The following NKAIN3 variants were observed in gnomAD, a reference collection of about 807,000 sequenced individuals.
NKAIN3 encodes sodium/potassium transporting ATPase interacting 3.
NKAIN3 carries 25 observed loss-of-function variants against 30.2 expected under a neutral mutation model. The ratio of observed to expected loss-of-function variants is 0.83; its 90% CI spans 0.60 to 1.16. The LOEUF (loss-of-function observed/expected upper bound fraction) is 1.16, where lower values mean the gene tolerates loss of function less well. Among genes scored for constraint, NKAIN3 ranks in the 50% most tolerant of loss-of-function variants. NKAIN3 has a pLI of 0.00. For synonymous variants in NKAIN3, 91 were observed against 89.6 expected, an observed-to-expected ratio of 1.02 and a Z score of -0.09; for missense variants, 225 against 254.1, an observed-to-expected ratio of 0.89 and a Z score of 0.78.
At chr8:62,580,906 T>TTTTA (rs1554550222) in intron 2 of NKAIN3, among the ~76,000 whole-genome samples, 5 of 112,316 alleles carry the variant, frequency 4.5e-5, no homozygotes, top group Middle Eastern at 4.6e-3. Context: ...GCTAGGGTTT[T>TTTTA]TATATATATA....
chr8:62,346,598 C>G (rs1167150516), intron 1 of NKAIN3, among the ~76,000 whole-genome samples: 3 of 152,018 alleles, frequency 2.0e-5, no homozygotes, highest in Non-Finnish European at 4.4e-5. Context: ...CTGACTGGCC[C>G]TCCTATATTT....
At chr8:62,775,028 C>T (rs962065775) in intron 4 of NKAIN3, among the ~76,000 whole-genome samples, 9 of 152,050 alleles carry the variant, frequency 5.9e-5, no homozygotes, top group South Asian at 2.1e-4. Context: ...GAAGCTATCA[C>T]GTCCCAAGCT....
intron 3 of NKAIN3, among the ~76,000 whole-genome samples, chr8:62,641,150 C>G (rs1179234480): frequency 1.3e-5 from 2 of 152,092 alleles, no homozygotes; most frequent in Non-Finnish European, 2.9e-5. Context: ...AGAATCTACA[C>G]TTTAACAAGA....
rs190861890 is a variant in NKAIN3 at position 62,449,654 on chromosome 8, G to A, written c.55-129885G>A. ...TGAGAGAGGTGTAATTTTTCAGAAC[G>A]TATAAGTTTAAGTATTAAAATACTA... On this transcript the variant is annotated intron_variant, in intron 1 of 6. Coordinates refer to ENST00000623646, the MANE Select transcript of NKAIN3 (RefSeq NM_001304533.3). 2.1e-3 allele frequency among the ~76,000 whole-genome samples: 321 copies of A among 152,068 alleles called. 8 individuals are homozygous for A. The highest frequency in any genetic ancestry group is 0.02 in the Admixed American group (307 of 15,258).
intron 4 of NKAIN3, among the ~76,000 whole-genome samples, chr8:62,824,670 C>T (rs1324997205): frequency 1.2e-4 from 18 of 152,102 alleles, no homozygotes; most frequent in Admixed American, 1.2e-3. Context: ...TTGCAATTTC[C>T]ATGCTTTCTA....
chr8:62,420,663 A>G lies in NKAIN3; in HGVS notation c.55-158876A>G, dbSNP rs536832070. 1.2e-4 allele frequency among the ~76,000 whole-genome samples: 19 copies of G among 152,318 alleles called. No individual in the cohort carries two copies. In the East Asian group the frequency reaches 3.5e-3, roughly 28 times the overall value. ...TGAAACTACTCAAATAGCCATCTAA[A>G]TAAAAGGATGTGTTTTGGATTAAGT... On this transcript the variant is annotated intron_variant, in intron 1 of 6. Coordinates refer to ENST00000623646, the MANE Select transcript of NKAIN3 (RefSeq NM_001304533.3).
chr8:62,567,487 A>T (rs1348421296), intron 1 of NKAIN3, among the ~76,000 whole-genome samples: 3 of 152,200 alleles, frequency 2.0e-5, no homozygotes, highest in Non-Finnish European at 4.4e-5. Context: ...CATGTCACAG[A>T]TGAAATTAAG....
rs1180926356 is a variant in NKAIN3, at chr8:62,715,361, C to T, written c.274-31571C>T. On this transcript the variant is annotated intron_variant, in intron 3 of 6. Transcript: ENST00000623646. Reference sequence around the variant, plus strand: ...ATGTCATAAAAAACCTAGGTTCTTCCCATGTCTCTGTTTAGCTTCTCTGCT... The same window carrying T: ...ATGTCATAAAAAACCTAGGTTCTTCTCATGTCTCTGTTTAGCTTCTCTGCT... Among the ~76,000 whole-genome samples, 3 of 152,132 alleles carry T rather than the reference C, an allele frequency of 2.0e-5. No homozygotes were observed. The East Asian group carries it at 5.8e-4, about 29-fold the overall frequency.
intron 1 of NKAIN3, among the ~76,000 whole-genome samples, chr8:62,306,014 A>G (rs2129588296): frequency 6.7e-6 from 1 of 150,184 alleles, no homozygotes; most frequent in Non-Finnish European, 1.5e-5. Context: ...AGTGTATTCC[A>G]TTTTCTTGAA....
chr8:62,512,283 G>A (rs1252346763), intron 1 of NKAIN3, among the ~76,000 whole-genome samples: 1 of 152,120 alleles, frequency 6.6e-6, no homozygotes, highest in Non-Finnish European at 1.5e-5. Flanking sequence ...GTTTGTAGGT[G>A]TTTATTGCCC....
At chr8:62,654,178 ACT>A (rs1812702702) in intron 3 of NKAIN3, among the ~76,000 whole-genome samples, 1 of 152,072 alleles carries the variant, frequency 6.6e-6, no homozygotes, top group Admixed American at 6.6e-5. Flanking sequence ...GCAAAAAAAA[ACT>A]ACAATTGAGT....
chr8:62,647,053 A>G (rs1812482034), intron 3 of NKAIN3, among the ~76,000 whole-genome samples: 1 of 152,158 alleles, frequency 6.6e-6, no homozygotes, highest in Non-Finnish European at 1.5e-5. Context: ...TCTGTATTTC[A>G]CCAAATATTA....
At chr8:62,550,249 G>A (rs750939396) in intron 1 of NKAIN3, among the ~76,000 whole-genome samples, 1 of 151,964 alleles carries the variant, frequency 6.6e-6, no homozygotes, top group Middle Eastern at 3.2e-3. Context: ...TGATAAATAT[G>A]ACAACACTTA....
Position 62,366,371 on chromosome 8 carries a change from C to CGT in NKAIN3, c.54+117244_54+117245insGT, listed in dbSNP as rs1491222461. Among the ~76,000 whole-genome samples the CGT allele has an allele frequency of 3.2e-3, 491 of 151,998 alleles. 3 individuals carry two copies. Among genetic ancestry groups the CGT allele is most frequent in the African/African-American group, 0.011 (457 of 41,464 alleles). On this transcript the variant is annotated intron_variant, in intron 1 of 6. Transcript: ENST00000623646. ...CATCCCGAGTAGCTGGGATTACAGGCATGCACCACTGTAGTTGATTAATTT... is the reference window on the plus strand; with the variant it reads ...CATCCCGAGTAGCTGGGATTACAGGCGTATGCACCACTGTAGTTGATTAATTT...
rs966109767 is a variant in NKAIN3 at position 62,967,141 on chromosome 8, T to G, written c.*1734T>G. Among the ~76,000 whole-genome samples, 15 of 152,160 alleles carry G rather than the reference T, an allele frequency of 9.9e-5. No individual in the cohort carries two copies. The highest frequency in any genetic ancestry group is 3.4e-4 in the African/African-American group (14 of 41,444). ...AAGCTGGCAGGGACCTTGAAGATGGTGGAATCCAAGCCACTATTCTGCAGA... is the reference window on the plus strand; with the variant it reads ...AAGCTGGCAGGGACCTTGAAGATGGGGGAATCCAAGCCACTATTCTGCAGA... On this transcript the variant is annotated 3_prime_UTR_variant, in exon 7 of 7. Coordinates refer to ENST00000623646, the MANE Select transcript of NKAIN3 (RefSeq NM_001304533.3).
At chr8:62,482,094 A>T (rs560707364) in intron 1 of NKAIN3, 1 of 152,332 alleles carries the variant, frequency 6.6e-6, no homozygotes, top group South Asian at 2.1e-4. Context: ...TTCTAGGAAG[A>T]TACTTTCCAT....
chr8:62,838,681 G>T (rs1819442306), intron 4 of NKAIN3, among the ~76,000 whole-genome samples: 1 of 151,932 alleles, frequency 6.6e-6, no homozygotes, highest in South Asian at 2.1e-4. Context: ...CAATTATTAG[G>T]CATCAGCACT....
chr8:62,339,958 A>T (rs1056883660), intron 1 of NKAIN3, among the ~76,000 whole-genome samples: 1 of 152,082 alleles, frequency 6.6e-6, no homozygotes, highest in African/African-American at 2.4e-5. Context: ...ACATGCAAGG[A>T]CAAGTAGGGA....
intron 1 of NKAIN3, among the ~76,000 whole-genome samples, chr8:62,455,229 C>A (rs1031395494): frequency 5.9e-5 from 9 of 152,196 alleles, no homozygotes; most frequent in African/African-American, 2.2e-4. Context: ...CACTTGCATT[C>A]ATTTGTCTGT....
Sources: allele counts gnomAD v4.1 joint callset (sites outside exome capture counted in the v4.1 genomes callset), GRCh38; gene constraint gnomAD v4.1.1; transcripts MANE v1.5; gene names NCBI Gene and HGNC (gene_info 2026-07-23, HGNC 2026-07-21).